The following CLASP1 variants were observed in gnomAD, a reference collection of about 807,000 sequenced individuals.
The protein encoded by CLASP1 is CLIP-associating protein 1.
In CLASP1, 38 loss-of-function variants were observed where a neutral mutation model predicts 192.3. The observed-to-expected ratio is 0.20, with a 90% confidence interval of 0.15 to 0.26. CLASP1 has a LOEUF of 0.26. CLASP1 is among the 10% of genes least tolerant of loss of function. The probability of loss-of-function intolerance (pLI) is 1.00; values close to 1 mark genes in which losing one functional copy is unlikely to be tolerated. For synonymous variants in CLASP1, 691 were observed against 712.8 expected (o/e 0.97, Z 0.49); for missense variants, 1,433 against 1,932.5 (o/e 0.74, Z 4.85).
At chr2:121,525,405 C>A (rs2094552269) in intron 6 of CLASP1, among the ~76,000 whole-genome samples, 3 of 152,144 alleles carry the variant, frequency 2.0e-5, no homozygotes, top group Admixed American at 2.0e-4. Flanking sequence ...GAGCCACCCC[C>A]CAAAGCAAAA....
chr2:121,575,722 T>C lies in CLASP1; in HGVS notation c.195+29979A>G, dbSNP rs547371554. On this transcript the variant is annotated intron_variant, in intron 2 of 39. Transcript: ENST00000263710. The stretch of plus-strand genomic sequence containing the variant: ...ATAAAAACATGAAAACGAAAAGTAA[T>C]TTCCTACTAGGAGAAGAGTGGGTGA... Among the ~76,000 whole-genome samples the C allele has an allele frequency of 3.9e-5, 6 of 152,244 alleles. No homozygotes were observed. In the South Asian group the frequency reaches 1.2e-3, roughly 32 times the overall value.
At chr2:121,609,851 G>GA (rs1333422569) in intron 1 of CLASP1, among the ~76,000 whole-genome samples, 1 of 152,190 alleles carries the variant, frequency 6.6e-6, no homozygotes, top group Non-Finnish European at 1.5e-5. Flanking sequence ...TGAGGCAGGA[G>GA]AATCGCTTGA....
At chr2:121,531,046 C>G (rs768704763) in intron 2 of CLASP1, 3 of 697,896 alleles carry the variant, frequency 4.3e-6, no homozygotes, top group Non-Finnish European at 7.8e-6. Flanking sequence ...GTTCAAACAG[C>G]AGTAATTCGT....
intron 7 of CLASP1, among the ~76,000 whole-genome samples, chr2:121,513,426 T>C (rs1397180825): frequency 6.6e-6 from 1 of 152,032 alleles, no homozygotes; most frequent in African/African-American, 2.4e-5. Context: ...GCGCCTTTTT[T>C]ATTTTATTTT....
intron 2 of CLASP1, chr2:121,532,487 A>G (rs2094920406): frequency 6.6e-6 from 1 of 152,180 alleles, no homozygotes; most frequent in Non-Finnish European, 1.5e-5. Context: ...ATGTCATGAA[A>G]ACGGCATTTT....
chr2:121,427,004 G>C (rs138716839), intron 21 of CLASP1, among the ~76,000 whole-genome samples: 28 of 151,820 alleles, frequency 1.8e-4, no homozygotes, highest in African/African-American at 6.7e-4. Context: ...AAATTTATAT[G>C]TGTGTTTATT....
At chr2:121,459,579 T>C (rs568451762) in intron 12 of CLASP1, 5 of 157,762 alleles carry the variant, frequency 3.2e-5, no homozygotes, top group African/African-American at 4.8e-5. Flanking sequence ...ACAGCTAGAA[T>C]AAAATCTTAC....
chr2:121,521,640 C>G (rs570959238), intron 6 of CLASP1, among the ~76,000 whole-genome samples: 3 of 152,306 alleles, frequency 2.0e-5, no homozygotes, highest in African/African-American at 4.8e-5. Context: ...TCTGAAAGGC[C>G]TCCCTGCTCT....
At chr2:121,501,347 C>G (rs1360677507) in intron 8 of CLASP1, among the ~76,000 whole-genome samples, 1 of 152,088 alleles carries the variant, frequency 6.6e-6, no homozygotes, top group Non-Finnish European at 1.5e-5. Flanking sequence ...CTGTGGACAC[C>G]CAGCAACCCC....
chr2:121,374,085 G>C (rs1005576203), intron 34 of CLASP1, among the ~76,000 whole-genome samples: 1 of 152,250 alleles, frequency 6.6e-6, no homozygotes, highest in African/African-American at 2.4e-5. Flanking sequence ...CAGACCTGGA[G>C]GCCTAAGAGG....
intron 23 of CLASP1, among the ~76,000 whole-genome samples, chr2:121,416,089 A>G (rs1372135969): frequency 6.6e-6 from 1 of 152,236 alleles, no homozygotes; most frequent in Non-Finnish European, 1.5e-5. Flanking sequence ...TTGATAGTTC[A>G]GACTGAAATA....
At chr2:121,445,068 A>T in intron 19 of CLASP1, 7 of 597,282 alleles carry the variant, frequency 1.2e-5, no homozygotes, top group Non-Finnish European at 2.0e-5. Context: ...GCAAAAGTAC[A>T]ATTTAAAACA....
chr2:121,346,873 T>C (rs947181471), intron 39 of CLASP1, among the ~76,000 whole-genome samples, 165 bp downstream of exon 40: 2 of 152,374 alleles, frequency 1.3e-5, no homozygotes, highest in Admixed American at 6.5e-5. Flanking sequence ...CTGATTTCAC[T>C]GTATAGTTCA....
At chr2:121,473,009 G>A (rs72969334) in intron 8 of CLASP1, among the ~76,000 whole-genome samples, 231 of 152,178 alleles carry the variant, frequency 1.5e-3, no homozygotes, top group African/African-American at 5.3e-3. Flanking sequence ...ACAAGACACA[G>A]ACACTCAACA....
At chr2:121,348,483 G>A in intron 38 of CLASP1, 29 bp downstream of exon 39, 1 of 1,577,332 alleles carries the variant, frequency 6.3e-7, no homozygotes, top group Non-Finnish European at 8.6e-7. Context: ...CACAGGCCGG[G>A]GGCAGGCCCC....
At chr2:121,420,627 C>A (rs1049351757) in intron 22 of CLASP1, among the ~76,000 whole-genome samples, 40 of 152,178 alleles carry the variant, frequency 2.6e-4, no homozygotes, top group African/African-American at 8.9e-4. Context: ...ATTTCCAAGT[C>A]CCTTGCTGAA....
intron 37 of CLASP1, among the ~76,000 whole-genome samples, chr2:121,353,792 GCA>G (rs35208457): frequency 0.21 from 32,136 of 150,118 alleles, 6,489 homozygotes; most frequent in African/African-American, 0.53. Flanking sequence ...GCACATGCAC[GCA>G]CACACACACA....
At chr2:121,531,030 TTA>T in intron 2 of CLASP1, 2 of 700,200 alleles carry the variant, frequency 2.9e-6, no homozygotes, top group Non-Finnish European at 2.6e-6. Flanking sequence ...TTTCATAGAC[TTA>T]TCAGTTCAAA....
rs116009355 is a variant in CLASP1 at position 121,498,819 on chromosome 2, G to A, written c.712+4348C>T. Among the ~76,000 whole-genome samples the A allele has an allele frequency of 2.2e-3, 330 of 152,230 alleles. 3 individuals carry two copies. Among genetic ancestry groups the A allele is most frequent in the African/African-American group, 7.3e-3 (303 of 41,544 alleles). On this transcript the variant is annotated intron_variant, in intron 8 of 39. Coordinates refer to ENST00000263710, the Ensembl canonical transcript of CLASP1. The stretch of plus-strand genomic sequence containing the variant: ...GGGCTAATAAGCACATGAAAAAGAT[G>A]TTCAATACCATTACTCATCAAGGTA...
Sources: gnomAD v4.1 joint callset for allele counts (sites outside exome capture counted in the v4.1 genomes callset) on GRCh38, gnomAD v4.1.1 for gene constraint, MANE v1.5 for transcripts, NCBI Gene and HGNC (gene_info 2026-07-23, HGNC 2026-07-21) for gene names.